The following POMGNT2 variants were observed in gnomAD, a reference collection of about 807,000 sequenced individuals.
POMGNT2 encodes protein O-linked mannose N-acetylglucosaminyltransferase 2 (beta 1,4-).
A neutral mutation model predicts 37.8 loss-of-function variants in POMGNT2; 32 were observed. That is an observed-to-expected ratio of 0.85 (90% confidence interval 0.64 to 1.14). The LOEUF is 1.14. Ranked by LOEUF, POMGNT2 falls within the 50% of genes most tolerant of loss-of-function variation. POMGNT2 has a pLI of 0.00. For synonymous variants in POMGNT2, 340 were observed against 336.8 expected (o/e 1.01, Z -0.10); for missense variants, 705 against 780.6 (o/e 0.90, Z 1.15).
chr3:43,105,513 A>G (rs1425455516), intron 1 of POMGNT2, among the ~76,000 whole-genome samples: 1 of 150,250 alleles, frequency 6.7e-6, no homozygotes, highest in Non-Finnish European at 1.5e-5. Context: ...AGTGCCTGCC[A>G]CGAGCTGAGG....
chr3:43,101,350 G>T (rs2090017899), intron 1 of POMGNT2, among the ~76,000 whole-genome samples: 1 of 152,230 alleles, frequency 6.6e-6, no homozygotes, highest in Non-Finnish European at 1.5e-5. Context: ...GGAGGAATCA[G>T]CTACTTTGTA....
In POMGNT2 at chr3:43,105,847, A is replaced by C. The variant is rs1190582844; in HGVS notation, c.-117T>G. 1 of 150,902 alleles carries C rather than the reference A, an allele frequency of 6.6e-6. No individual in the cohort carries two copies. Among genetic ancestry groups the C allele is most frequent in the African/African-American group, 2.4e-5 (1 of 40,892 alleles). 9.3% of individuals were successfully genotyped at this position (150,902 alleles called of 1,614,324 possible). A position where few individuals can be genotyped will look rare whatever the true frequency, so the allele number is the denominator to read the frequency against. On this transcript the variant is annotated 5_prime_UTR_variant, in exon 1 of 2. Transcript: ENST00000344697. ...CGCGCGCGTCTTACCTGAAGCCTGG[A>C]CTCCGCGGGACGAAGCCACCTCCGC...
rs2089856050 is a variant in POMGNT2, at chr3:43,081,471, T to C, written c.-40A>G. On this transcript the variant is annotated 5_prime_UTR_variant, in exon 2 of 2. Transcript: ENST00000344697. ...GGGGCCCTAATGAGATGACGGCCAC[T>C]GGGAAGCACCACAGGCCAGGCAGGC... is the stretch of plus-strand genomic sequence containing the variant. 1.4e-6 allele frequency: 2 copies of C among 1,472,222 alleles called. No homozygotes were observed. Among genetic ancestry groups the C allele is most frequent in the African/African-American group, 2.8e-5 (2 of 70,594 alleles). The allele number at this position is 1,472,222 out of a possible 1,614,324, so 91.2% of individuals were successfully genotyped here.
chr3:43,084,963 T>C (rs894798087), intron 1 of POMGNT2, among the ~76,000 whole-genome samples: 1 of 152,108 alleles, frequency 6.6e-6, no homozygotes, highest in African/African-American at 2.4e-5. Context: ...TCTATTTTAG[T>C]AGCTTCTGTT....
Position 43,100,976 on chromosome 3 carries a change from A to G in POMGNT2, c.-106+4860T>C, listed in dbSNP as rs571835549. ...CAGCCAGGATGAGGAAGGACTGAGA[A>G]CCCCTATACTGTGTAGGATGCTAGA... On this transcript the variant is annotated intron_variant, in intron 1 of 1. Transcript: ENST00000344697. Among the ~76,000 whole-genome samples, 4 of 152,266 alleles carry G rather than the reference A, an allele frequency of 2.6e-5. No homozygotes were observed. The South Asian group carries it at 8.3e-4, about 32-fold the overall frequency.
At chr3:43,097,054 G>A (rs561954898) in intron 1 of POMGNT2, among the ~76,000 whole-genome samples, 5 of 152,320 alleles carry the variant, frequency 3.3e-5, no homozygotes, top group South Asian at 2.1e-4. Context: ...AGCTCACCAC[G>A]TGAGGGTGGT....
intron 1 of POMGNT2, among the ~76,000 whole-genome samples, chr3:43,091,514 T>C (rs574642213): frequency 1.3e-5 from 2 of 152,318 alleles, no homozygotes; most frequent in East Asian, 3.9e-4. Flanking sequence ...AGATCACCAT[T>C]TGGCAAACAT....
At chr3:43,104,161 T>C (rs1441246926) in intron 1 of POMGNT2, among the ~76,000 whole-genome samples, 1 of 152,196 alleles carries the variant, frequency 6.6e-6, no homozygotes, top group African/African-American at 2.4e-5. Flanking sequence ...GTAGAGGGGT[T>C]AGGATTCAAA....
intron 1 of POMGNT2, among the ~76,000 whole-genome samples, chr3:43,097,827 C>T (rs948037359): frequency 2.6e-5 from 4 of 152,206 alleles, no homozygotes; most frequent in Non-Finnish European, 4.4e-5. Context: ...GTGAAGACAA[C>T]GTGCACCAAG....
chr3:43,092,720 G>T (rs561317088), intron 1 of POMGNT2, among the ~76,000 whole-genome samples: 1 of 152,326 alleles, frequency 6.6e-6, no homozygotes, highest in East Asian at 1.9e-4. Context: ...GATCACTGTG[G>T]AAGATGGTGG....
At position 43,094,080 on chromosome 3, in the gene POMGNT2, T is replaced by C. The variant is rs374457195; in HGVS notation, c.-106+11756A>G. Among the ~76,000 whole-genome samples, 22 of 152,270 alleles carry C rather than the reference T, an allele frequency of 1.4e-4. 1 individual carries two copies. Among genetic ancestry groups the C allele is most frequent in the African/African-American group, 4.3e-4 (18 of 41,548 alleles). On this transcript the variant is annotated intron_variant, in intron 1 of 1. Coordinates refer to ENST00000344697, the MANE Select transcript of POMGNT2 (RefSeq NM_032806.6). ...GTGGTAGTAGGAAGCCAACAAGCAA[T>C]TGGGCAGTCAGTGGTCACTACAAAA...
Position 43,081,168 on chromosome 3 carries a change from G to T in POMGNT2, c.264C>A (p.Asn88Lys), listed in dbSNP as rs572228301. The T allele has an allele frequency of 1.2e-6, 2 of 1,614,222 alleles. No homozygotes were observed. Among genetic ancestry groups the T allele is most frequent in the Admixed American group, 1.7e-5 (1 of 60,030 alleles). Residue 88 changes from asparagine (N) to lysine (K), a missense_variant, in exon 2 of 2, where the codon AAC (asparagine) becomes AAA (lysine). By Grantham distance (94) the Asn-to-Lys change is moderately conservative. Coordinates refer to ENST00000344697, the MANE Select transcript of POMGNT2 (RefSeq NM_032806.6). Reference sequence around the variant, plus strand: ...GGAAGAAGATGAACTCCTCAGCCTCGTTGGAGTAGCAGAGCCACTTGAAGC... The same window carrying T: ...GGAAGAAGATGAACTCCTCAGCCTCTTTGGAGTAGCAGAGCCACTTGAAGC... ...ICRFKWLCYS[N>K]EAEEFIFFHG...
At position 43,079,965 on chromosome 3, in the gene POMGNT2, C is replaced by T. The variant is rs1476488406; in HGVS notation, c.1467G>A (p.Arg489=). ...AGGCGCCATGCACTGACGCCTGGCA[C>T]CGTGCCTCCCGCACCTTGCCTGGAT... The part of the protein sequence containing the change: ...GLYPGKVREA[R]CQASVHGASE... Residue 489 remains arginine (R), a synonymous_variant, in exon 2 of 2, where the codon CGG becomes CGA. Transcript: ENST00000344697. The T allele has an allele frequency of 6.2e-7, 1 of 1,613,982 alleles. No individual in the cohort carries two copies. Among genetic ancestry groups the T allele is most frequent in the Non-Finnish European group, 8.5e-7 (1 of 1,180,044 alleles).
chr3:43,096,167 G>T (rs966732551), intron 1 of POMGNT2, among the ~76,000 whole-genome samples: 34 of 152,146 alleles, frequency 2.2e-4, no homozygotes, highest in Admixed American at 2.2e-3. Context: ...TCTTACTCGT[G>T]CCCTAAGCGG....
chr3:43,080,126 A>G lies in POMGNT2; in HGVS notation c.1306T>C (p.Cys436Arg). Residue 436 changes from cysteine to arginine, a missense_variant, in exon 2 of 2, where the codon TGT becomes CGT. Cys to Arg is a radical substitution (Grantham distance 180). Coordinates refer to ENST00000344697, the MANE Select transcript of POMGNT2 (RefSeq NM_032806.6). ...AAGAGCCACTCGGGGTTCCGGCAAC[A>G]GAGATGCCGTGGGACCTCACGGCTT... ...LQSREVPRHLCCRNPEWLFRI... is the reference protein window; with the variant it reads ...LQSREVPRHLRCRNPEWLFRI... 6.2e-7 allele frequency: 1 copy of G among 1,613,924 alleles called. No individual in the cohort carries two copies. The highest frequency in any genetic ancestry group is 8.5e-7 in the Non-Finnish European group (1 of 1,179,960).
intron 1 of POMGNT2, among the ~76,000 whole-genome samples, chr3:43,102,557 C>T (rs149117392): frequency 6.6e-6 from 1 of 152,188 alleles, no homozygotes; most frequent in African/African-American, 2.4e-5. Context: ...AATGGTCTCA[C>T]CATCTTACTT....
intron 1 of POMGNT2, among the ~76,000 whole-genome samples, chr3:43,104,775 T>C (rs2090045150): frequency 6.6e-6 from 1 of 152,174 alleles, no homozygotes; most frequent in African/African-American, 2.4e-5. Context: ...GCCACACACT[T>C]ACTGTTAGAC....
chr3:43,099,344 T>C (rs1343626097), intron 1 of POMGNT2, among the ~76,000 whole-genome samples: 4 of 152,146 alleles, frequency 2.6e-5, no homozygotes, highest in Admixed American at 1.3e-4. Flanking sequence ...GGGTGAGTTT[T>C]GAGCAAGTTT....
chr3:43,102,678 C>T (rs1028357618), intron 1 of POMGNT2, among the ~76,000 whole-genome samples: 6 of 152,206 alleles, frequency 3.9e-5, no homozygotes, highest in Non-Finnish European at 7.3e-5. Context: ...TTTCTTTTAA[C>T]ATGAGAAAAC....
Sources: allele counts gnomAD v4.1 joint callset (sites outside exome capture counted in the v4.1 genomes callset), GRCh38; gene constraint gnomAD v4.1.1; transcripts MANE v1.5; gene names NCBI Gene and HGNC (gene_info 2026-07-23, HGNC 2026-07-21).